CNOT2: variants seen among roughly 807,000 people sequenced by gnomAD.
CNOT2 encodes CCR4-NOT transcription complex subunit 2, also known as CC chemokine receptor 4-negative regulator of transcription 2.
CNOT2 carries 7 observed loss-of-function variants against 72.1 expected under a neutral mutation model. The ratio of observed to expected loss-of-function variants is 0.10; its 90% CI spans 0.06 to 0.18. The LOEUF is 0.18. Ranked by LOEUF, CNOT2 falls within the 10% of genes least tolerant of loss-of-function variation. The probability of loss-of-function intolerance (pLI) is 1.00; values close to 1 mark genes in which losing one functional copy is unlikely to be tolerated. For synonymous variants in CNOT2, 196 were observed against 225.6 expected (o/e 0.87, Z 1.17); for missense variants, 345 against 660.3 (o/e 0.52, Z 5.23).
At chr12:70,294,255 C>T in intron 2 of CNOT2, 1 of 1,289,348 alleles carries the variant, frequency 7.8e-7, no homozygotes, top group South Asian at 1.2e-5. Flanking sequence ...TCTGAGCTTT[C>T]CAATCCCCAG....
At chr12:70,263,213 ACT>A (rs146881215) in intron 1 of CNOT2, among the ~76,000 whole-genome samples, 4,468 of 151,344 alleles carry the variant, frequency 0.03, 143 homozygotes, top group African/African-American at 0.068. Flanking sequence ...CTACTTGGTA[ACT>A]CTTCTTGGAT....
At chr12:70,291,265 T>C (rs1444896249) in intron 2 of CNOT2, among the ~76,000 whole-genome samples, 1 of 152,202 alleles carries the variant, frequency 6.6e-6, no homozygotes, top group Non-Finnish European at 1.5e-5. Context: ...ATTATCTCTG[T>C]ATTGTTTTAT....
chr12:70,278,262 A>G lies in CNOT2; in HGVS notation c.36A>G (p.Lys12=). 1 of 1,609,880 alleles carries G rather than the reference A, an allele frequency of 6.2e-7. No homozygotes were observed. The highest frequency in any genetic ancestry group is 8.5e-7 in the Non-Finnish European group (1 of 1,176,178). The change falls in exon 2 of 16, where the codon AAA becomes AAG. Residue 12 remains lysine (K), a synonymous_variant. Coordinates refer to ENST00000229195, the MANE Select transcript of CNOT2 (RefSeq NM_014515.7). ...VRTDGHTLSE[K]RNYQVTNSMF... ...CTGATGGACATACATTATCTGAGAA[A>G]AGAAACTACCAGGTAAGACCAGTCT...
At chr12:70,268,038 A>G (rs531830110) in intron 1 of CNOT2, among the ~76,000 whole-genome samples, 24 of 152,346 alleles carry the variant, frequency 1.6e-4, no homozygotes, top group African/African-American at 5.5e-4. Context: ...CTGGTCTGAC[A>G]TGTACACACA....
rs142690435 is a variant in CNOT2, at chr12:70,319,304, G to A, written c.178G>A (p.Ala60Thr). 23 of 1,608,504 alleles carry A rather than the reference G, an allele frequency of 1.4e-5. No homozygotes were observed. The African/African-American group carries it at 2.8e-4, about 20-fold the overall frequency. Residue 60 changes from alanine (A) to threonine (T), a missense_variant, in exon 4 of 16, where the codon GCA becomes ACA. By Grantham distance (58) the Ala-to-Thr change is moderately conservative. Transcript: ENST00000229195. ...FPHRSEKDML[A>T]SPSTSGQLSQ... Reference sequence around the variant, plus strand: ...ATAATTAATTTGTTTCTAGATGCTGGCATCACCATCTACATCAGGTCAGCT... The same window carrying A: ...ATAATTAATTTGTTTCTAGATGCTGACATCACCATCTACATCAGGTCAGCT...
intron 2 of CNOT2, among the ~76,000 whole-genome samples, chr12:70,305,446 G>A (rs1875108104): frequency 6.6e-6 from 1 of 152,172 alleles, no homozygotes; most frequent in Non-Finnish European, 1.5e-5. Flanking sequence ...TTTGGGTTCA[G>A]ACACAGAGCC....
chr12:70,344,941 G>T (rs979502594), intron 14 of CNOT2: 1 of 152,114 alleles, frequency 6.6e-6, no homozygotes, highest in Non-Finnish European at 1.5e-5. Context: ...CATATTTGTT[G>T]TACGTTTTGA....
chr12:70,339,576 T>C (rs1349643592), intron 11 of CNOT2, among the ~76,000 whole-genome samples: 1 of 152,170 alleles, frequency 6.6e-6, no homozygotes, highest in African/African-American at 2.4e-5. Flanking sequence ...TGAGCTCTGC[T>C]AGAGAAAAAC....
intron 4 of CNOT2, among the ~76,000 whole-genome samples, chr12:70,326,122 A>G (rs962865238): frequency 6.6e-6 from 1 of 151,886 alleles, no homozygotes; most frequent in Non-Finnish European, 1.5e-5. Flanking sequence ...GAATCTATTT[A>G]GAATGTGTTC....
chr12:70,304,550 C>T (rs1234423925), intron 2 of CNOT2, among the ~76,000 whole-genome samples: 5 of 152,218 alleles, frequency 3.3e-5, no homozygotes, highest in Non-Finnish European at 5.9e-5. Context: ...GCTGCCTGAT[C>T]ATTCCTCTGG....
rs572237961 is a variant in CNOT2, at chr12:70,339,093, C to T, written c.1178+271C>T. On this transcript the variant is annotated intron_variant, in intron 11 of 15. Transcript: ENST00000229195. The stretch of plus-strand genomic sequence containing the variant: ...GTGTGTGTGTATATATATATATATA[C>T]ACACACACACACACACACACCTTCC... 4.2e-3 allele frequency among the ~76,000 whole-genome samples: 558 copies of T among 132,660 alleles called. 2 individuals carry two copies. Among genetic ancestry groups the T allele is most frequent in the Middle Eastern group, 0.011 (3 of 264 alleles). The allele number at this position is 132,660 out of a possible 152,430, so 87.0% of individuals were successfully genotyped here.
At chr12:70,243,786 G>C (rs1467222640) in intron 1 of CNOT2, 1 of 152,476 alleles carries the variant, frequency 6.6e-6, no homozygotes, top group Non-Finnish European at 1.5e-5. Flanking sequence ...AGCAGCTCCA[G>C]ATCCTAGGCC....
At chr12:70,305,873 G>GTTTTTTTTT (rs11412509) in intron 2 of CNOT2, among the ~76,000 whole-genome samples, 5 of 60,104 alleles carry the variant, frequency 8.3e-5, no homozygotes, top group South Asian at 7.2e-4. Flanking sequence ...TCTGAAGTTT[G>GTTTTTTTTT]TTTTTTTTTT....
chr12:70,274,470 A>G (rs34252065), intron 1 of CNOT2, among the ~76,000 whole-genome samples: 18,073 of 152,050 alleles, frequency 0.12, 1,426 homozygotes, highest in Non-Finnish European at 0.18. Flanking sequence ...AGCTGTCTTA[A>G]CCTAACCAAA....
chr12:70,315,933 G>C (rs1318992018), intron 3 of CNOT2, among the ~76,000 whole-genome samples: 3 of 152,158 alleles, frequency 2.0e-5, no homozygotes, highest in African/African-American at 7.2e-5. Flanking sequence ...CATTTCTCAA[G>C]AGTCTGAATG....
At chr12:70,249,865 CAT>C (rs1472053294) in intron 1 of CNOT2, among the ~76,000 whole-genome samples, 2 of 152,004 alleles carry the variant, frequency 1.3e-5, no homozygotes, top group African/African-American at 4.8e-5. Context: ...CTGAGGTAAT[CAT>C]ATGCCGAACA....
chr12:70,259,633 T>C (rs1449036956), intron 1 of CNOT2, among the ~76,000 whole-genome samples: 1 of 152,178 alleles, frequency 6.6e-6, no homozygotes, highest in East Asian at 1.9e-4. Flanking sequence ...TGCCTTCTTT[T>C]GCTCAACATA....
intron 1 of CNOT2, among the ~76,000 whole-genome samples, chr12:70,275,253 C>G (rs985776743): frequency 2.0e-5 from 3 of 151,950 alleles, no homozygotes; most frequent in Non-Finnish European, 2.9e-5. Flanking sequence ...CTTTGTTACT[C>G]TATGTATTTT....
chr12:70,353,363 C>T (rs1281278873), intron 15 of CNOT2, among the ~76,000 whole-genome samples: 1 of 152,140 alleles, frequency 6.6e-6, no homozygotes, highest in Non-Finnish European at 1.5e-5. Flanking sequence ...ACGTGAGCCA[C>T]TGTGCGCGGC....
Sources: allele counts gnomAD v4.1 joint callset (sites outside exome capture counted in the v4.1 genomes callset), GRCh38; gene constraint gnomAD v4.1.1; transcripts MANE v1.5; gene names NCBI Gene and HGNC (gene_info 2026-07-23, HGNC 2026-07-21).